Variants in ZNRF1 observed in about 807,000 individuals in gnomAD.
The protein encoded by ZNRF1 is zinc and ring finger 1.
A neutral mutation model predicts 18.4 loss-of-function variants in ZNRF1; 3 were observed. The observed-to-expected ratio is 0.16, with a 90% CI of 0.07 to 0.42. The LOEUF is 0.42. Among genes scored for constraint, ZNRF1 ranks in the 10% least tolerant of loss-of-function variants. ZNRF1 has a pLI of 0.99. For synonymous variants in ZNRF1, 157 were observed against 144.2 expected (o/e 1.09, Z -0.64); for missense variants, 310 against 329.8 (o/e 0.94, Z 0.47).
At chr16:75,015,782 C>G (rs1241098702) in intron 1 of ZNRF1, among the ~76,000 whole-genome samples, 1 of 152,144 alleles carries the variant, frequency 6.6e-6, no homozygotes, top group Non-Finnish European at 1.5e-5. Flanking sequence ...ACGTGAGCCA[C>G]AGCTCCCAGC....
intron 1 of ZNRF1, among the ~76,000 whole-genome samples, chr16:75,083,571 G>A (rs1209821444): frequency 6.6e-6 from 1 of 152,172 alleles, no homozygotes; most frequent in African/African-American, 2.4e-5. Context: ...AAAGTGGCTA[G>A]GCACAGTATT....
chr16:75,081,393 C>G (rs568018935), intron 1 of ZNRF1, among the ~76,000 whole-genome samples: 19 of 152,318 alleles, frequency 1.2e-4, no homozygotes, highest in Admixed American at 1.2e-3. Context: ...TATAGACAGC[C>G]CACAAATCCC....
chr16:75,050,999 T>G, intron 1 of ZNRF1, among the ~76,000 whole-genome samples: 1 of 141,878 alleles, frequency 7.0e-6, no homozygotes, highest in Non-Finnish European at 1.5e-5. Context: ...TTAACACCAG[T>G]GTGGGCAACA....
At chr16:75,098,392 A>C (rs566609706) in intron 2 of ZNRF1, among the ~76,000 whole-genome samples, 44 of 152,294 alleles carry the variant, frequency 2.9e-4, no homozygotes, top group African/African-American at 1.0e-3. Context: ...CACTATCCTC[A>C]TTGCGGGTGG....
intron 1 of ZNRF1, among the ~76,000 whole-genome samples, chr16:75,036,038 C>T (rs1294099950): frequency 6.6e-6 from 1 of 152,142 alleles, no homozygotes; most frequent in Non-Finnish European, 1.5e-5. Context: ...TTAACAACTG[C>T]CTGACCATCA....
intron 1 of ZNRF1, among the ~76,000 whole-genome samples, chr16:75,030,853 T>G (rs1269966592): frequency 1.4e-5 from 2 of 147,382 alleles, no homozygotes; most frequent in African/African-American, 5.0e-5. Context: ...TTTTTTTTTT[T>G]TTGTTAAGAC....
rs552275247 is a variant in ZNRF1 at position 75,051,744 on chromosome 16, C to G, written c.425-41828C>G. 2.5e-4 allele frequency among the ~76,000 whole-genome samples: 38 copies of G among 152,238 alleles called. No individual in the cohort carries two copies. The South Asian group carries it at 7.9e-3, about 32-fold the overall frequency. ...TGTTGGTCAGGCTGGTCTCGAACTC[C>G]TGACCTCATGATCCACCCACCTCAG... On this transcript the variant is annotated intron_variant, in intron 1 of 4. Transcript: ENST00000335325.
chr16:75,063,590 TA>T (rs1417405159), intron 1 of ZNRF1, among the ~76,000 whole-genome samples: 2 of 152,220 alleles, frequency 1.3e-5, no homozygotes, highest in Non-Finnish European at 2.9e-5. Flanking sequence ...GATCTACTCT[TA>T]AAAGTATTTG....
intron 1 of ZNRF1, among the ~76,000 whole-genome samples, chr16:75,045,596 G>C (rs1189377622): frequency 6.6e-6 from 1 of 152,028 alleles, no homozygotes; most frequent in African/African-American, 2.4e-5. Flanking sequence ...AAGAGACAGG[G>C]TCTTGCTGTG....
intron 1 of ZNRF1, among the ~76,000 whole-genome samples, chr16:75,078,138 TG>T (rs2035965208): frequency 6.6e-6 from 1 of 152,064 alleles, no homozygotes; most frequent in African/African-American, 2.4e-5. Flanking sequence ...GTTGAGAAAA[TG>T]GAAGTTCACG....
intron 1 of ZNRF1, among the ~76,000 whole-genome samples, chr16:75,043,829 G>T (rs931326325): frequency 1.5e-4 from 7 of 46,966 alleles, no homozygotes; most frequent in Admixed American, 3.5e-4. Flanking sequence ...TGTTCTTGTT[G>T]CCCAGGCTGG....
intron 2 of ZNRF1, among the ~76,000 whole-genome samples, chr16:75,101,826 A>G (rs760760245): frequency 3.9e-5 from 6 of 152,206 alleles, no homozygotes; most frequent in Non-Finnish European, 2.9e-5. Context: ...GTGCCTACAC[A>G]TGCATTTGAA....
At chr16:75,106,156 CCTT>C in intron 3 of ZNRF1, 1 of 302,896 alleles carries the variant, frequency 3.3e-6, no homozygotes, top group Non-Finnish European at 6.5e-6. Context: ...ACCGCTCTCA[CCTT>C]CTCACTGGTG....
Position 75,108,632 on chromosome 16 carries a change from A to T in ZNRF1, c.*932A>T. 2.5e-6 allele frequency: 1 copy of T among 398,966 alleles called. No individual in the cohort carries two copies. The highest frequency in any genetic ancestry group is 4.4e-6 in the Non-Finnish European group (1 of 226,038). The allele number at this position is 398,966 out of a possible 1,614,324, so 24.7% of individuals were successfully genotyped here. A position where few individuals can be genotyped will look rare whatever the true frequency, so the allele number is the denominator to read the frequency against. ...AAAAAACTTATAAAATGTTTAAAAA[A>T]ATGTTCAAAGCTTGGGAGAAAAGCT... On this transcript the variant is annotated 3_prime_UTR_variant, in exon 5 of 5. Transcript: ENST00000335325.
chr16:75,006,212 G>A (rs912505137), intron 1 of ZNRF1, among the ~76,000 whole-genome samples: 1 of 152,112 alleles, frequency 6.6e-6, no homozygotes, highest in African/African-American at 2.4e-5. Context: ...CTTGGACAAG[G>A]GGTACTGCTG....
chr16:75,099,738 G>C (rs560645348), intron 2 of ZNRF1, among the ~76,000 whole-genome samples: 1 of 152,324 alleles, frequency 6.6e-6, no homozygotes, highest in South Asian at 2.1e-4. Flanking sequence ...GTCTCAGTTT[G>C]TGTGGGCCAG....
At chr16:75,001,089 A>C (rs1405064134) in intron 1 of ZNRF1, among the ~76,000 whole-genome samples, 1 of 152,146 alleles carries the variant, frequency 6.6e-6, no homozygotes, top group Non-Finnish European at 1.5e-5. Flanking sequence ...GGGGGCCGCT[A>C]TTTGCTAATT....
At chr16:75,068,188 TAAAA>T (rs57755915) in intron 1 of ZNRF1, among the ~76,000 whole-genome samples, 38 of 88,944 alleles carry the variant, frequency 4.3e-4, no homozygotes, top group African/African-American at 1.1e-3. Flanking sequence ...GACCTTGTCT[TAAAA>T]AAAAAAAAAA....
At chr16:75,101,604 G>C (rs2036256253) in intron 2 of ZNRF1, among the ~76,000 whole-genome samples, 1 of 151,972 alleles carries the variant, frequency 6.6e-6, no homozygotes, top group African/African-American at 2.4e-5. Flanking sequence ...GGAGTCTGCA[G>C]TGTACTAGAC....
Sources: allele counts gnomAD v4.1 joint callset (sites outside exome capture counted in the v4.1 genomes callset), GRCh38; gene constraint gnomAD v4.1.1; transcripts MANE v1.5; gene names NCBI Gene and HGNC (gene_info 2026-07-23, HGNC 2026-07-21).